The following CDH12 variants were observed in gnomAD, a reference collection of about 807,000 sequenced individuals.
The protein encoded by CDH12 is cadherin 12.
CDH12 carries 41 observed loss-of-function variants against 74.1 expected under a neutral mutation model. The observed-to-expected ratio is 0.55, with a 90% CI of 0.43 to 0.72. The LOEUF (loss-of-function observed/expected upper bound fraction) is 0.72. Among genes scored for constraint, CDH12 ranks in the 30% least tolerant of loss-of-function variants. The pLI is 0.00. For missense variants in CDH12, 945 were observed against 977.2 expected, an observed-to-expected ratio of 0.97 and a Z score of 0.44; for synonymous variants, 399 against 355.0, an observed-to-expected ratio of 1.12 and a Z score of -1.39.
At chr5:21,941,112 C>T (rs900372634) in intron 6 of CDH12, among the ~76,000 whole-genome samples, 7 of 152,052 alleles carry the variant, frequency 4.6e-5, no homozygotes, top group East Asian at 1.9e-4. Flanking sequence ...CTGCTGCCTG[C>T]CAGCTAGCTG....
intron 6 of CDH12, among the ~76,000 whole-genome samples, chr5:21,910,750 A>C (rs1438817020): frequency 1.3e-5 from 2 of 151,580 alleles, no homozygotes; most frequent in Non-Finnish European, 2.9e-5. Context: ...AGATTCCACC[A>C]CACCAAGAAA....
chr5:22,832,296 A>G (rs550883275), intron 1 of CDH12, among the ~76,000 whole-genome samples: 1 of 152,322 alleles, frequency 6.6e-6, no homozygotes, highest in Non-Finnish European at 1.5e-5. Context: ...TTAGTATAGT[A>G]CCTTACATAA....
intron 1 of CDH12, among the ~76,000 whole-genome samples, chr5:22,654,197 C>T (rs1012467552): frequency 4.9e-5 from 7 of 142,248 alleles, no homozygotes; most frequent in East Asian, 2.2e-4. Context: ...TTCTTTCTTT[C>T]TTTTCTTTCT....
At position 22,581,640 on chromosome 5, in the gene CDH12, G is replaced by A. The variant is rs184558698; in HGVS notation, c.-522-76276C>T. On this transcript the variant is annotated intron_variant, in intron 1 of 14. Transcript: ENST00000382254. Reference sequence around the variant, plus strand: ...GGGACACTGCCTAGTGGAACTGTGAGAAGAGGGCCACCATCCTCCAGACAC... The same window carrying A: ...GGGACACTGCCTAGTGGAACTGTGAAAAGAGGGCCACCATCCTCCAGACAC... Among the ~76,000 whole-genome samples the A allele has an allele frequency of 2.5e-3, 377 of 152,278 alleles. 3 individuals carry two copies. The highest frequency in any genetic ancestry group is 4.3e-3 in the Non-Finnish European group (293 of 68,016).
At chr5:22,284,194 TA>T (rs1187838180) in intron 3 of CDH12, among the ~76,000 whole-genome samples, 13 of 152,148 alleles carry the variant, frequency 8.5e-5, no homozygotes. Flanking sequence ...ATTTATCTTT[TA>T]AAAAGATGAT....
chr5:22,067,350 G>A (rs919443217), intron 5 of CDH12, among the ~76,000 whole-genome samples: 1 of 152,226 alleles, frequency 6.6e-6, no homozygotes, highest in African/African-American at 2.4e-5. Context: ...CCGAAAAGGT[G>A]AAGCATAAGT....
intron 8 of CDH12, among the ~76,000 whole-genome samples, chr5:21,839,482 A>G (rs185270742): frequency 1.7e-4 from 26 of 152,300 alleles, no homozygotes; most frequent in Non-Finnish European, 3.5e-4. Context: ...CAAGCCAATT[A>G]ACATATCCAT....
At chr5:21,883,537 T>C in intron 6 of CDH12, 3 of 1,611,596 alleles carry the variant, frequency 1.9e-6, no homozygotes, top group East Asian at 2.2e-5. Flanking sequence ...CTTAAAGATA[T>C]GGCTATTGCT....
intron 6 of CDH12, among the ~76,000 whole-genome samples, chr5:21,867,153 G>A (rs113771603): frequency 2.7e-4 from 41 of 152,162 alleles, no homozygotes; most frequent in African/African-American, 9.6e-4. Flanking sequence ...TCAGGAGTTC[G>A]AGACCAGTCT....
chr5:22,336,379 C>T lies in CDH12; in HGVS notation c.-333+68878G>A, dbSNP rs551866790. ...AAGTAAGGAGGAGCCAAATGTTAAT[C>T]CCCAAGACAAGGGGGAAAATATCTC... On this transcript the variant is annotated intron_variant, in intron 3 of 14. Coordinates refer to ENST00000382254, the MANE Select transcript of CDH12 (RefSeq NM_004061.5). 3.3e-5 allele frequency among the ~76,000 whole-genome samples: 5 copies of T among 152,282 alleles called. No homozygotes were observed. The East Asian group carries it at 9.7e-4, about 30-fold the overall frequency.
At chr5:22,489,221 C>A (rs1268469837) in intron 2 of CDH12, among the ~76,000 whole-genome samples, 1 of 151,294 alleles carries the variant, frequency 6.6e-6, no homozygotes, top group Admixed American at 6.6e-5. Context: ...CCACACCTGG[C>A]TAATTTTTTG....
intron 1 of CDH12, among the ~76,000 whole-genome samples, chr5:22,599,464 C>A (rs181172831): frequency 8.5e-5 from 13 of 152,102 alleles, no homozygotes; most frequent in Non-Finnish European, 1.6e-4. Context: ...TTATAGTGCA[C>A]GCTGATAAAT....
intron 6 of CDH12, among the ~76,000 whole-genome samples, chr5:21,903,995 C>T (rs1316131751): frequency 6.6e-6 from 1 of 152,208 alleles, no homozygotes; most frequent in East Asian, 1.9e-4. Context: ...AAGTGTCCTG[C>T]ATGATGGATG....
chr5:22,772,018 CAAATT>C (rs1487166979), intron 1 of CDH12, among the ~76,000 whole-genome samples: 13 of 152,020 alleles, frequency 8.6e-5, no homozygotes, highest in Admixed American at 3.9e-4. Flanking sequence ...TAGGGACACT[CAAATT>C]AAACAGGTAA....
At chr5:21,855,632 G>A (rs547247069) in intron 6 of CDH12, among the ~76,000 whole-genome samples, 1 of 151,354 alleles carries the variant, frequency 6.6e-6, no homozygotes, top group African/African-American at 2.4e-5. Context: ...ATATATATAT[G>A]TATGTGTATA....
At chr5:21,979,657 G>A (rs1414108597) in intron 5 of CDH12, among the ~76,000 whole-genome samples, 1 of 151,992 alleles carries the variant, frequency 6.6e-6, no homozygotes, top group Non-Finnish European at 1.5e-5. Flanking sequence ...TTTCCAGCAG[G>A]GATTTTATTT....
intron 5 of CDH12, among the ~76,000 whole-genome samples, chr5:22,035,715 C>CAT (rs1300910628): frequency 1.5e-5 from 1 of 64,742 alleles, no homozygotes; most frequent in Non-Finnish European, 3.1e-5. Flanking sequence ...TTCACACATA[C>CAT]ACACACACAC....
chr5:22,433,097 GGGACCCA>G (rs1472095697), intron 2 of CDH12, among the ~76,000 whole-genome samples: 5 of 152,090 alleles, frequency 3.3e-5, no homozygotes. Context: ...GTGAAACCAT[GGGACCCA>G]GAGTAGGAAT....
At chr5:21,777,293 A>G (rs1238216964) in intron 11 of CDH12, among the ~76,000 whole-genome samples, 2 of 152,098 alleles carry the variant, frequency 1.3e-5, no homozygotes, top group African/African-American at 4.8e-5. Flanking sequence ...TGTTATGTAC[A>G]TAATATCACA....
Sources: allele counts gnomAD v4.1 joint callset (sites outside exome capture counted in the v4.1 genomes callset), GRCh38; gene constraint gnomAD v4.1.1; transcripts MANE v1.5; gene names NCBI Gene and HGNC (gene_info 2026-07-23, HGNC 2026-07-21).